Variants in SPOCK3 observed in about 807,000 individuals in gnomAD.
SPOCK3 encodes testican-3.
SPOCK3 carries 30 observed loss-of-function variants against 56.6 expected under a neutral mutation model. The ratio of observed to expected loss-of-function variants is 0.53; its 90% CI spans 0.40 to 0.72. The LOEUF (loss-of-function observed/expected upper bound fraction) is 0.72. Ranked by LOEUF, SPOCK3 falls within the 30% of genes least tolerant of loss-of-function variation. The pLI is 0.00. For synonymous variants in SPOCK3, 196 were observed against 183.3 expected, an observed-to-expected ratio of 1.07 and a Z score of -0.56; for missense variants, 527 against 530.0, an observed-to-expected ratio of 0.99 and a Z score of 0.06.
chr4:166,932,113 A>C (rs1407311979), intron 4 of SPOCK3, among the ~76,000 whole-genome samples: 3 of 152,222 alleles, frequency 2.0e-5, no homozygotes, highest in Non-Finnish European at 4.4e-5. Flanking sequence ...TTAAGAATAC[A>C]TCCCTGAACC....
chr4:167,173,914 T>TG (rs1561291463), intron 2 of SPOCK3, among the ~76,000 whole-genome samples: 1 of 152,164 alleles, frequency 6.6e-6, no homozygotes, highest in Non-Finnish European at 1.5e-5. Context: ...GCTTCATTGA[T>TG]GGAGTTTTAA....
intron 2 of SPOCK3, among the ~76,000 whole-genome samples, chr4:167,117,020 C>G (rs1761484965): frequency 6.7e-6 from 1 of 149,072 alleles, no homozygotes; most frequent in South Asian, 2.1e-4. Flanking sequence ...CTTCTTGGGA[C>G]AGAAATGACC....
chr4:167,013,327 G>A (rs1750275675), intron 3 of SPOCK3, among the ~76,000 whole-genome samples: 1 of 151,680 alleles, frequency 6.6e-6, no homozygotes, highest in African/African-American at 2.4e-5. Flanking sequence ...TCTAGACAAA[G>A]GATTGAGGAA....
chr4:167,035,255 T>C (rs1752634679), intron 3 of SPOCK3, among the ~76,000 whole-genome samples: 1 of 152,114 alleles, frequency 6.6e-6, no homozygotes, highest in African/African-American at 2.4e-5. Flanking sequence ...TTTTTTGTTG[T>C]TATTGTTGCT....
At chr4:167,065,993 G>A (rs754970188) in intron 2 of SPOCK3, among the ~76,000 whole-genome samples, 12 of 151,884 alleles carry the variant, frequency 7.9e-5, no homozygotes, top group Non-Finnish European at 1.8e-4. Context: ...TATGGAGTGA[G>A]TTACAGACAC....
intron 4 of SPOCK3, among the ~76,000 whole-genome samples, chr4:166,923,998 C>T (rs1738787652): frequency 6.6e-6 from 1 of 152,078 alleles, no homozygotes; most frequent in African/African-American, 2.4e-5. Flanking sequence ...CAGTCGTGGT[C>T]ACTGGAGGAA....
chr4:166,820,648 A>G (rs1744835116), intron 6 of SPOCK3, among the ~76,000 whole-genome samples: 1 of 151,866 alleles, frequency 6.6e-6, no homozygotes, highest in Non-Finnish European at 1.5e-5. Context: ...AACATGGCAA[A>G]ACCCCATCTC....
chr4:166,753,731 T>C (rs1371285425), intron 8 of SPOCK3, among the ~76,000 whole-genome samples: 1 of 152,036 alleles, frequency 6.6e-6, no homozygotes, highest in Non-Finnish European at 1.5e-5. Flanking sequence ...ATTCCCAGGG[T>C]ATTTTCCTAA....
chr4:166,903,134 TATAA>T lies in SPOCK3; in HGVS notation c.474+9482_474+9485del, dbSNP rs1239485312. ...TTTATAAATTATTTATAATATAAAT[TATAA>T]ATAATTTATAATTTAATTTATTAAA... is the stretch of plus-strand genomic sequence containing the variant. On this transcript the variant is annotated intron_variant, in intron 5 of 10. Transcript: ENST00000357545. Among the ~76,000 whole-genome samples the T allele has an allele frequency of 1.2e-4, 18 of 147,374 alleles. No homozygotes were observed. In the South Asian group the frequency reaches 2.1e-3, roughly 17 times the overall value.
intron 8 of SPOCK3, among the ~76,000 whole-genome samples, chr4:166,746,553 C>A (rs1042452450): frequency 2.0e-5 from 3 of 151,842 alleles, no homozygotes; most frequent in African/African-American, 7.3e-5. Flanking sequence ...AAATTGACAC[C>A]CTAACATCAC....
chr4:166,933,556 T>C (rs1161187637), intron 4 of SPOCK3, among the ~76,000 whole-genome samples: 1 of 152,180 alleles, frequency 6.6e-6, no homozygotes. Context: ...TTATTATTAT[T>C]ATTTAACATG....
intron 3 of SPOCK3, among the ~76,000 whole-genome samples, chr4:167,053,366 C>G (rs1364555073): frequency 1.3e-5 from 2 of 152,080 alleles, no homozygotes; most frequent in Non-Finnish European, 2.9e-5. Flanking sequence ...CCTCACATAC[C>G]TCCTCTTTGG....
At chr4:167,109,368 A>ATATTTATATAAAATATATAAATG (rs1561225151) in intron 2 of SPOCK3, among the ~76,000 whole-genome samples, 1 of 26,206 alleles carries the variant, frequency 3.8e-5, no homozygotes, top group African/African-American at 1.1e-4. Context: ...ATATTTATAT[A>ATATTTATATAAAATATATAAATG]TATATTTATA....
At chr4:166,934,490 TC>T (rs905297268) in intron 4 of SPOCK3, among the ~76,000 whole-genome samples, 7 of 151,688 alleles carry the variant, frequency 4.6e-5, no homozygotes, top group African/African-American at 1.7e-4. Flanking sequence ...AGAGCGAGAC[TC>T]CGTCTCAAAA....
intron 2 of SPOCK3, among the ~76,000 whole-genome samples, chr4:167,226,990 A>G (rs1736664793): frequency 6.6e-6 from 1 of 152,204 alleles, no homozygotes; most frequent in African/African-American, 2.4e-5. Context: ...AACTGTCAGT[A>G]AAGTATCTGG....
intron 2 of SPOCK3, among the ~76,000 whole-genome samples, chr4:167,218,239 A>C (rs1735559362): frequency 6.6e-6 from 1 of 152,134 alleles, no homozygotes; most frequent in Admixed American, 6.6e-5. Context: ...ATCGTGTGTT[A>C]ATAGCAAAGT....
intron 4 of SPOCK3, among the ~76,000 whole-genome samples, chr4:166,942,705 C>G (rs1354464336): frequency 6.6e-6 from 1 of 152,020 alleles, no homozygotes; most frequent in Non-Finnish European, 1.5e-5. Context: ...TAAGAATACC[C>G]TATAGAATTT....
At chr4:167,136,643 C>T (rs1318917582) in intron 2 of SPOCK3, among the ~76,000 whole-genome samples, 2 of 151,912 alleles carry the variant, frequency 1.3e-5, no homozygotes, top group Non-Finnish European at 2.9e-5. Context: ...TATTTCTGGC[C>T]CATTTCGAAT....
At chr4:167,036,882 T>C (rs1752805385) in intron 3 of SPOCK3, among the ~76,000 whole-genome samples, 2 of 152,124 alleles carry the variant, frequency 1.3e-5, no homozygotes, top group African/African-American at 4.8e-5. Context: ...GGGAGATCCA[T>C]ATTGTTTGAA....
Sources: gnomAD v4.1 joint callset for allele counts (sites outside exome capture counted in the v4.1 genomes callset) on GRCh38, gnomAD v4.1.1 for gene constraint, MANE v1.5 for transcripts, NCBI Gene and HGNC (gene_info 2026-07-23, HGNC 2026-07-21) for gene names.